The following ZFAT variants were observed in gnomAD, a reference collection of about 807,000 sequenced individuals.
ZFAT encodes zinc finger protein ZFAT.
ZFAT carries 64 observed loss-of-function variants against 117.7 expected under a neutral mutation model. The ratio of observed to expected loss-of-function variants is 0.54; its 90% CI spans 0.44 to 0.67. The LOEUF (loss-of-function observed/expected upper bound fraction) is 0.67, where lower values mean the gene tolerates loss of function less well. Among genes scored for constraint, ZFAT ranks in the 30% least tolerant of loss-of-function variants. The pLI is 0.00. For synonymous variants in ZFAT, 679 were observed against 615.0 expected (o/e 1.10, Z -1.54); for missense variants, 1,433 against 1,584.5 (o/e 0.90, Z 1.62).
chr8:134,647,710 T>C (rs1345898117), intron 2 of ZFAT, among the ~76,000 whole-genome samples: 3 of 152,198 alleles, frequency 2.0e-5, no homozygotes, highest in Non-Finnish European at 2.9e-5. Flanking sequence ...CAAAGATCTG[T>C]TGTGTTTCTA....
At chr8:134,815,435 T>G in the ZFAT span, among the ~76,000 whole-genome samples, 42 of 152,264 alleles carry the variant, frequency 2.8e-4, no homozygotes, top group Admixed American at 2.7e-3. Context: ...TGCTAGTATT[T>G]AGTTTGCTAA....
At chr8:134,659,701 C>G (rs1480193534) in intron 1 of ZFAT, among the ~76,000 whole-genome samples, 1 of 152,164 alleles carries the variant, frequency 6.6e-6, no homozygotes, top group Non-Finnish European at 1.5e-5. Flanking sequence ...GAAAACAACT[C>G]CTGATCCCCA....
rs1191553543 is a variant in ZFAT at position 134,667,449 on chromosome 8, C to T, written c.20-9712G>A. Among the ~76,000 whole-genome samples, 5 of 145,078 alleles carry T rather than the reference C, an allele frequency of 3.4e-5. No individual in the cohort carries two copies. The Admixed American group carries it at 3.5e-4, about 10-fold the overall frequency. Reference sequence around the variant, plus strand: ...TGGAGGTTGCAGTGAGCTGGGATCGCACCACTGCACTCCAGCCTGGGCGAC... The same window carrying T: ...TGGAGGTTGCAGTGAGCTGGGATCGTACCACTGCACTCCAGCCTGGGCGAC... On this transcript the variant is annotated intron_variant, in intron 1 of 15. Coordinates refer to ENST00000377838, the MANE Select transcript of ZFAT (RefSeq NM_020863.4).
chr8:134,629,125 G>A (rs1455932792), intron 3 of ZFAT, among the ~76,000 whole-genome samples: 3 of 152,158 alleles, frequency 2.0e-5, no homozygotes, highest in Admixed American at 1.3e-4. Context: ...GTAGTCAATC[G>A]ACCACGGTAA....
chr8:134,719,441 G>A, the ZFAT span, among the ~76,000 whole-genome samples: 1 of 152,310 alleles, frequency 6.6e-6, no homozygotes, highest in East Asian at 1.9e-4. Flanking sequence ...GACCAAAGAA[G>A]CCCAGCAGCA....
chr8:134,705,973 T>C (rs537545249), intron 1 of ZFAT, among the ~76,000 whole-genome samples: 1 of 152,318 alleles, frequency 6.6e-6, no homozygotes, highest in Admixed American at 6.5e-5. Flanking sequence ...TACCACTGCA[T>C]ATCCTCTAGG....
chr8:134,810,788 T>G, the ZFAT span, among the ~76,000 whole-genome samples: 1 of 152,246 alleles, frequency 6.6e-6, no homozygotes, highest in Non-Finnish European at 1.5e-5. Context: ...TGTGCAGATG[T>G]TAAAAGCATT....
At chr8:134,819,867 G>C in the ZFAT span, among the ~76,000 whole-genome samples, 1 of 150,624 alleles carries the variant, frequency 6.6e-6, no homozygotes, top group Non-Finnish European at 1.5e-5. Flanking sequence ...CTCACGGGGG[G>C]AAGAAAAAAA....
chr8:134,580,488 G>C (rs1825642355), intron 10 of ZFAT, among the ~76,000 whole-genome samples: 1 of 152,110 alleles, frequency 6.6e-6, no homozygotes, highest in African/African-American at 2.4e-5. Flanking sequence ...GAGCTCACAA[G>C]GTCATCCCCA....
intron 11 of ZFAT, among the ~76,000 whole-genome samples, chr8:134,555,601 CA>C (rs1823519628): frequency 6.6e-6 from 1 of 151,828 alleles, no homozygotes; most frequent in African/African-American, 2.4e-5. Context: ...TAATGTCTGG[CA>C]TTCAATTAAA....
In ZFAT at chr8:134,530,092, G is replaced by C. The variant is rs139590087; in HGVS notation, c.3115+2742C>G. 7.6e-4 allele frequency among the ~76,000 whole-genome samples: 116 copies of C among 152,300 alleles called. 1 individual carries two copies. Among genetic ancestry groups the C allele is most frequent in the Admixed American group, 2.0e-3 (30 of 15,304 alleles). On this transcript the variant is annotated intron_variant, in intron 12 of 15. Transcript: ENST00000377838. ...GTCTTTCCTAGGAATCAATAGCTTT[G>C]CACATGTCACAGTGTGACACTGTTT...
At chr8:134,737,339 T>G in the ZFAT span, among the ~76,000 whole-genome samples, 1 of 152,132 alleles carries the variant, frequency 6.6e-6, no homozygotes, top group Non-Finnish European at 1.5e-5. Flanking sequence ...TGTTGTACTC[T>G]CCACAATTAT....
At chr8:134,505,131 C>T (rs771404386) in intron 15 of ZFAT, among the ~76,000 whole-genome samples, 5 of 152,132 alleles carry the variant, frequency 3.3e-5, no homozygotes, top group Non-Finnish European at 5.9e-5. Flanking sequence ...TTGCCTCTAA[C>T]GTACTATTAT....
chr8:134,807,374 A>G, the ZFAT span, among the ~76,000 whole-genome samples: 2 of 152,320 alleles, frequency 1.3e-5, no homozygotes, highest in African/African-American at 4.8e-5. Context: ...ATAAAATTTT[A>G]CCAGAATACA....
chr8:134,497,406 G>A (rs1173073562), intron 15 of ZFAT, among the ~76,000 whole-genome samples: 1 of 151,842 alleles, frequency 6.6e-6, no homozygotes. Flanking sequence ...CCCTGCTGCT[G>A]GTTACACACA....
chr8:134,610,943 C>A (rs1828291297), intron 3 of ZFAT, among the ~76,000 whole-genome samples: 1 of 152,228 alleles, frequency 6.6e-6, no homozygotes, highest in Non-Finnish European at 1.5e-5. Context: ...TGAGGCCTAG[C>A]AGACTTCAGA....
intron 6 of ZFAT, 34 bp downstream of exon 6, chr8:134,601,443 G>C (rs1402531001): frequency 6.4e-7 from 1 of 1,568,868 alleles, no homozygotes; most frequent in African/African-American, 1.4e-5. Context: ...GATGGTTGTG[G>C]ACAGGGCCAC....
intron 1 of ZFAT, among the ~76,000 whole-genome samples, chr8:134,665,501 G>A (rs1832167958): frequency 6.6e-6 from 1 of 152,238 alleles, no homozygotes; most frequent in Non-Finnish European, 1.5e-5. Context: ...TCAAGGGCAG[G>A]ATGAGTGGAA....
the ZFAT span, among the ~76,000 whole-genome samples, chr8:134,800,869 T>G: frequency 7.2e-4 from 109 of 152,262 alleles, 1 homozygote; most frequent in African/African-American, 2.5e-3. Context: ...AATAAAATTT[T>G]TTTTAGAGAC....
Sources: gnomAD v4.1 joint callset for allele counts (sites outside exome capture counted in the v4.1 genomes callset) on GRCh38, gnomAD v4.1.1 for gene constraint, MANE v1.5 for transcripts, NCBI Gene and HGNC (gene_info 2026-07-23, HGNC 2026-07-21) for gene names.